Variants in C14orf39 observed in about 807,000 individuals in gnomAD.
C14orf39 encodes the protein protein SIX6OS1.
A neutral mutation model predicts 85.6 loss-of-function variants in C14orf39; 66 were observed. That is an observed-to-expected ratio of 0.77 (90% CI 0.63 to 0.95). C14orf39 has a LOEUF of 0.95. Among genes scored for constraint, C14orf39 ranks in the 40% least tolerant of loss-of-function variants. C14orf39 has a pLI of 0.00. For missense variants in C14orf39, 735 were observed against 663.9 expected (o/e 1.11, Z -1.18); for synonymous variants, 242 against 214.0 (o/e 1.13, Z -1.14).
chr14:60,509,363 G>A (rs1340731950), intron 1 of C14orf39: 2 of 1,579,178 alleles, frequency 1.3e-6, no homozygotes, highest in South Asian at 2.2e-5. Context: ...GTCCCGCTCC[G>A]GGCTCAGTGC....
In C14orf39 at chr14:60,461,593, T is replaced by A; in HGVS notation, c.973A>T (p.Ile325Leu). 1 of 1,538,306 alleles carries A rather than the reference T, an allele frequency of 6.5e-7. No homozygotes were observed. The highest frequency in any genetic ancestry group is 8.7e-7 in the Non-Finnish European group (1 of 1,147,268). ...DFRQKENDTQ[I>L]FNDSAVDNHS... ...TTATCCACAGCAGAGTCATTAAATATCTGAAAGAAAGAAATTAAGCATCTG... is the reference window on the plus strand; with the variant it reads ...TTATCCACAGCAGAGTCATTAAATAACTGAAAGAAAGAAATTAAGCATCTG... Residue 325 changes from isoleucine (I) to leucine (L), a missense_variant and splice_region_variant, in exon 12 of 18, where the codon ATA (isoleucine) becomes TTA (leucine). Transcript: ENST00000321731.
intron 4 of C14orf39, among the ~76,000 whole-genome samples, chr14:60,481,293 G>C (rs1208791387): frequency 6.6e-6 from 1 of 152,084 alleles, no homozygotes; most frequent in Non-Finnish European, 1.5e-5. Context: ...ACATTTGGTT[G>C]TACATTACAT....
At chr14:60,440,300 G>GA (rs1890447779) in intron 17 of C14orf39, among the ~76,000 whole-genome samples, 1 of 151,204 alleles carries the variant, frequency 6.6e-6, no homozygotes, top group Non-Finnish European at 1.5e-5. Flanking sequence ...CTTCCTAAAT[G>GA]AAACCCCTGT....
At chr14:60,478,065 G>A (rs1445395540) in intron 5 of C14orf39, among the ~76,000 whole-genome samples, 2 of 151,540 alleles carry the variant, frequency 1.3e-5, no homozygotes, top group African/African-American at 4.8e-5. Flanking sequence ...TGTAGTCCCA[G>A]CTACTTGGGA....
intron 4 of C14orf39, among the ~76,000 whole-genome samples, chr14:60,482,471 GTCAA>G (rs1397653570): frequency 2.6e-5 from 4 of 152,090 alleles, no homozygotes; most frequent in Non-Finnish European, 5.9e-5. Context: ...TTTATAATAA[GTCAA>G]TCAATGTGTT....
At chr14:60,508,102 G>T (rs777496741) in intron 1 of C14orf39, among the ~76,000 whole-genome samples, 9 of 152,078 alleles carry the variant, frequency 5.9e-5, no homozygotes, top group Admixed American at 1.3e-4. Flanking sequence ...AGTGCTTTCT[G>T]GGCCCCCGCA....
chr14:60,506,341 GA>G (rs922840143), intron 1 of C14orf39, among the ~76,000 whole-genome samples: 4 of 152,100 alleles, frequency 2.6e-5, no homozygotes, highest in Admixed American at 1.3e-4. Flanking sequence ...ACTGGTAAAA[GA>G]AAAAAATATA....
At chr14:60,502,615 T>C (rs4901986) in intron 1 of C14orf39, among the ~76,000 whole-genome samples, 123,536 of 152,190 alleles carry the variant, frequency 0.81, 51,718 homozygotes, top group Non-Finnish European at 0.91. Flanking sequence ...AATTTCATAG[T>C]TTGAAAGATC....
rs549631746 is a variant in C14orf39, at chr14:60,440,442, C to A, written c.1561+1632G>T. Among the ~76,000 whole-genome samples the A allele has an allele frequency of 2.0e-5, 3 of 152,262 alleles. No homozygotes were observed. In the South Asian group the frequency reaches 6.2e-4, roughly 32 times the overall value. On this transcript the variant is annotated intron_variant, in intron 17 of 17. Transcript: ENST00000321731. ...TCAATCCTTATATCCAGTCCATAAG[C>A]AAATTCTTCCAGCTCTATCTTCAGA...
In C14orf39 at chr14:60,457,096, C is replaced by A; in HGVS notation, c.1180-1G>T. 6.5e-7 allele frequency: 1 copy of A among 1,532,782 alleles called. No homozygotes were observed. Among genetic ancestry groups the A allele is most frequent in the Non-Finnish European group, 8.8e-7 (1 of 1,141,704 alleles). The allele number at this position is 1,532,782 out of a possible 1,614,324, so 94.9% of individuals were successfully genotyped here. On this transcript the variant is annotated splice_acceptor_variant, in intron 14 of 17. Transcript: ENST00000321731. LOFTEE classifies it high-confidence loss of function. ...TCCCAAAATGTTCAGTATATATAGC[C>A]TGCAAATTCAAAGTAACAGAAAACT...
chr14:60,447,758 A>G (rs1890841537), intron 16 of C14orf39, among the ~76,000 whole-genome samples: 1 of 152,236 alleles, frequency 6.6e-6, no homozygotes. Context: ...CAAAAAGACC[A>G]AAGCTGGAGG....
At chr14:60,511,576 A>G (rs1163394649) in intron 1 of C14orf39, 8 of 509,162 alleles carry the variant, frequency 1.6e-5, no homozygotes, top group Non-Finnish European at 2.5e-5. Flanking sequence ...AGATTCTCCC[A>G]TGGGTATTTC....
intron 2 of C14orf39, among the ~76,000 whole-genome samples, chr14:60,498,408 G>C (rs1370472627): frequency 6.6e-6 from 1 of 152,070 alleles, no homozygotes; most frequent in Non-Finnish European, 1.5e-5. Flanking sequence ...CTTCAGCCTG[G>C]GTGCACTCAT....
rs1169008749 is a variant in C14orf39 at position 60,458,754 on chromosome 14, G to A, written c.1118-15C>T. ...ATACTCAGCATCTGTTGTCATATGA[G>A]AACAAACTATTTTTCTTTTTGTAAT... On this transcript the variant is annotated splice_polypyrimidine_tract_variant and intron_variant, in intron 13 of 17. Coordinates refer to ENST00000321731, the MANE Select transcript of C14orf39 (RefSeq NM_174978.3). 6.4e-7 allele frequency: 1 copy of A among 1,562,140 alleles called. No individual in the cohort carries two copies. Among genetic ancestry groups the A allele is most frequent in the Non-Finnish European group, 8.7e-7 (1 of 1,149,412 alleles).
At chr14:60,496,172 C>T in intron 2 of C14orf39, 1 of 462,976 alleles carries the variant, frequency 2.2e-6, no homozygotes, top group Non-Finnish European at 4.4e-6. Context: ...CACACTCCTC[C>T]CCTGATGTGA....
At chr14:60,509,422 T>C in intron 1 of C14orf39, 2 of 1,599,516 alleles carry the variant, frequency 1.3e-6, no homozygotes, top group Non-Finnish European at 1.7e-6. Context: ...CCATCTTGAA[T>C]TTCAGCCCCC....
chr14:60,439,047 AAAG>A (rs1890388871), intron 17 of C14orf39, among the ~76,000 whole-genome samples: 1 of 152,204 alleles, frequency 6.6e-6, no homozygotes, highest in Non-Finnish European at 1.5e-5. Flanking sequence ...CATAGCTAGA[AAAG>A]AAGATTTGGA....
At chr14:60,490,488 T>G (rs1311332229), upstream of C14orf39, among the ~76,000 whole-genome samples, 3 of 149,250 alleles carry the variant, frequency 2.0e-5, no homozygotes, top group African/African-American at 2.5e-5. Context: ...AATAAATAAA[T>G]AGGTGCACAC....
At chr14:60,514,740 A>C (rs1310305288) in intron 1 of C14orf39, among the ~76,000 whole-genome samples, 1 of 152,260 alleles carries the variant, frequency 6.6e-6, no homozygotes, top group Non-Finnish European at 1.5e-5. Context: ...ATTTTAACAA[A>C]AAGGAAAAAA....
Sources: gnomAD v4.1 joint callset for allele counts (sites outside exome capture counted in the v4.1 genomes callset) on GRCh38, gnomAD v4.1.1 for gene constraint, MANE v1.5 for transcripts, NCBI Gene and HGNC (gene_info 2026-07-23, HGNC 2026-07-21) for gene names.